GRIP1: variants seen among roughly 807,000 people sequenced by gnomAD.
The protein encoded by GRIP1 is glutamate receptor-interacting protein 1.
Under a neutral mutation model 129.9 loss-of-function variants are expected in GRIP1, and 45 were observed. The observed-to-expected ratio is 0.35, with a 90% CI of 0.27 to 0.44. The LOEUF (loss-of-function observed/expected upper bound fraction) is 0.44. GRIP1 is among the 20% of genes least tolerant of loss of function. The pLI, the probability that GRIP1 is intolerant of heterozygous loss-of-function variation, is 1.00. For synonymous variants in GRIP1, 530 were observed against 520.8 expected, an observed-to-expected ratio of 1.02 and a Z score of -0.24; for missense variants, 1,196 against 1,396.8, an observed-to-expected ratio of 0.86 and a Z score of 2.29.
chr12:66,462,785 G>C (rs1310818113), intron 9 of GRIP1, 139 bp downstream of exon 9: 1 of 600,912 alleles, frequency 1.7e-6, no homozygotes, highest in Non-Finnish European at 2.9e-6. Context: ...CTGGGGGACA[G>C]AGTGAGACTC....
chr12:66,668,831 G>T (rs2033929308), intron 1 of GRIP1, among the ~76,000 whole-genome samples: 1 of 152,004 alleles, frequency 6.6e-6, no homozygotes, highest in African/African-American at 2.4e-5. Context: ...GGGGGTTGGG[G>T]GAGTGGCAGG....
intron 1 of GRIP1, among the ~76,000 whole-genome samples, chr12:66,617,085 T>TTGTG (rs71436017): frequency 0.054 from 7,276 of 135,460 alleles, 271 homozygotes; most frequent in East Asian, 0.1. Context: ...AACAGACGTT[T>TTGTG]TGTGTGTGTG....
intron 1 of GRIP1, among the ~76,000 whole-genome samples, chr12:66,667,034 T>C (rs1431765712): frequency 1.3e-5 from 2 of 152,152 alleles, no homozygotes; most frequent in South Asian, 2.1e-4. Context: ...CTTTGTTTAG[T>C]AATTTTGCTT....
chr12:66,685,047 C>A (rs2034730938), intron 1 of GRIP1, among the ~76,000 whole-genome samples: 1 of 152,096 alleles, frequency 6.6e-6, no homozygotes, highest in Non-Finnish European at 1.5e-5. Flanking sequence ...CTTAAGCTCA[C>A]CTTTAAAATA....
chr12:66,588,842 G>T (rs34827947), intron 2 of GRIP1, among the ~76,000 whole-genome samples: 34,472 of 146,764 alleles, frequency 0.23, 4,202 homozygotes, highest in Admixed American at 0.29. Context: ...GGTGGTGTAC[G>T]TCTGTAATCC....
At chr12:66,901,923 T>C (rs940799304) in intron 1 of GRIP1, among the ~76,000 whole-genome samples, 2 of 152,248 alleles carry the variant, frequency 1.3e-5, no homozygotes, top group African/African-American at 2.4e-5. Flanking sequence ...AAAATTATAA[T>C]GCATTCAGCA....
At chr12:67,033,843 T>C (rs1382768847) in intron 1 of GRIP1, among the ~76,000 whole-genome samples, 1 of 152,178 alleles carries the variant, frequency 6.6e-6, no homozygotes, top group Non-Finnish European at 1.5e-5. Flanking sequence ...TGTAAAAATA[T>C]CAGGCACAGT....
At chr12:66,980,976 A>G (rs2042235045) in intron 1 of GRIP1, among the ~76,000 whole-genome samples, 1 of 152,220 alleles carries the variant, frequency 6.6e-6, no homozygotes, top group South Asian at 2.1e-4. Context: ...ACATAGCTGA[A>G]TCCCTTCTGC....
chr12:66,891,415 A>T (rs1194201857), intron 1 of GRIP1, among the ~76,000 whole-genome samples: 1 of 152,190 alleles, frequency 6.6e-6, no homozygotes, highest in South Asian at 2.1e-4. Context: ...TTTCAGAAGG[A>T]TGGGACAGTG....
chr12:66,474,785 C>T (rs1003997691), intron 7 of GRIP1, among the ~76,000 whole-genome samples: 8 of 152,178 alleles, frequency 5.3e-5, no homozygotes, highest in South Asian at 2.1e-4. Context: ...TGCTGAGAGA[C>T]TTTGTCACCA....
intron 1 of GRIP1, among the ~76,000 whole-genome samples, chr12:67,001,586 G>A (rs1033079078): frequency 6.6e-6 from 1 of 152,086 alleles, no homozygotes; most frequent in Non-Finnish European, 1.5e-5. Context: ...ACTACCTAAA[G>A]GCTCCCTCTG....
chr12:66,970,558 T>TTC (rs1491015376), intron 1 of GRIP1, among the ~76,000 whole-genome samples: 2 of 137,454 alleles, frequency 1.5e-5, no homozygotes, highest in Non-Finnish European at 3.2e-5. Flanking sequence ...TTTTTTTTTT[T>TTC]CATCTCTCCT....
At chr12:66,365,712 T>C (rs911516892) in intron 23 of GRIP1, among the ~76,000 whole-genome samples, 2 of 152,214 alleles carry the variant, frequency 1.3e-5, no homozygotes, top group African/African-American at 2.4e-5. Flanking sequence ...CCACTTCTCT[T>C]TGTGAATGGA....
At chr12:66,584,748 G>A (rs531578694) in intron 2 of GRIP1, among the ~76,000 whole-genome samples, 19 of 152,100 alleles carry the variant, frequency 1.2e-4, no homozygotes, top group South Asian at 6.3e-4. Context: ...ATTAGTTAGC[G>A]CTATACTGCA....
chr12:66,847,050 C>T (rs780940579), intron 1 of GRIP1, among the ~76,000 whole-genome samples: 4 of 152,102 alleles, frequency 2.6e-5, no homozygotes, highest in Non-Finnish European at 2.9e-5. Context: ...AGGATGGAGG[C>T]GTGGAATTAA....
chr12:66,617,286 G>GAAAAAAAA (rs63275262), intron 1 of GRIP1, among the ~76,000 whole-genome samples: 6 of 104,008 alleles, frequency 5.8e-5, no homozygotes, highest in Admixed American at 1.0e-4. Flanking sequence ...CAGCCAACAA[G>GAAAAAAAA]AAAAAAAAAA....
intron 1 of GRIP1, among the ~76,000 whole-genome samples, chr12:67,045,213 A>G (rs1565653580): frequency 6.6e-6 from 1 of 152,140 alleles, no homozygotes; most frequent in Non-Finnish European, 1.5e-5. Context: ...TTATTCTCTG[A>G]TTTTTTCAAT....
intron 1 of GRIP1, among the ~76,000 whole-genome samples, chr12:66,782,820 T>C (rs139240802): frequency 3.0e-4 from 45 of 152,288 alleles, no homozygotes; most frequent in Admixed American, 4.6e-4. Flanking sequence ...CAAGAGATGA[T>C]AGATAGGTAT....
intron 2 of GRIP1, among the ~76,000 whole-genome samples, chr12:66,572,913 T>A (rs2063012294): frequency 6.6e-6 from 1 of 152,164 alleles, no homozygotes; most frequent in Non-Finnish European, 1.5e-5. Context: ...CAGTTCTCTA[T>A]GATCCTTAAC....
Sources: allele counts gnomAD v4.1 joint callset (sites outside exome capture counted in the v4.1 genomes callset), GRCh38; gene constraint gnomAD v4.1.1; transcripts MANE v1.5; gene names NCBI Gene and HGNC (gene_info 2026-07-23, HGNC 2026-07-21).